Variants in SLC41A3 observed in about 807,000 individuals in gnomAD.
SLC41A3 encodes SLC41A1-like 2.
A neutral mutation model predicts 45.4 loss-of-function variants in SLC41A3; 44 were observed. The ratio of observed to expected loss-of-function variants is 0.97; its 90% CI spans 0.76 to 1.25. The LOEUF (loss-of-function observed/expected upper bound fraction) is 1.25. Among genes scored for constraint, SLC41A3 ranks in the 50% most tolerant of loss-of-function variants. The pLI, the probability that SLC41A3 is intolerant of heterozygous loss-of-function variation, is 0.00. For missense variants in SLC41A3, 550 were observed against 600.6 expected, an observed-to-expected ratio of 0.92 and a Z score of 0.88; for synonymous variants, 256 against 252.4, an observed-to-expected ratio of 1.01 and a Z score of -0.13.
chr3:126,014,724 G>T (rs748612147), intron 8 of SLC41A3, among the ~76,000 whole-genome samples: 1 of 152,250 alleles, frequency 6.6e-6, no homozygotes, highest in Non-Finnish European at 1.5e-5. Context: ...GCCTCTGAAG[G>T]CTGTTTCTTC....
At chr3:126,056,801 G>A in intron 2 of SLC41A3, 1 of 1,316,774 alleles carries the variant, frequency 7.6e-7, no homozygotes. Flanking sequence ...GCCAGGCCCT[G>A]CTGTCCCTCC....
At chr3:126,034,392 T>A (rs145462764) in intron 3 of SLC41A3, among the ~76,000 whole-genome samples, 1 of 152,284 alleles carries the variant, frequency 6.6e-6, no homozygotes, top group Admixed American at 6.5e-5. Flanking sequence ...TTTCCTAGAT[T>A]CCTTAAACTC....
chr3:126,072,994 C>T (rs1944698033), intron 1 of SLC41A3, among the ~76,000 whole-genome samples: 1 of 152,160 alleles, frequency 6.6e-6, no homozygotes, highest in Admixed American at 6.5e-5. Context: ...AGGCCATAAT[C>T]CTAAACAACC....
Position 126,007,177 on chromosome 3 carries a change from G to A in SLC41A3, c.1303C>T (p.His435Tyr), listed in dbSNP as rs376413737. 5 of 1,614,088 alleles carry A rather than the reference G, an allele frequency of 3.1e-6. No individual in the cohort carries two copies. The highest frequency in any genetic ancestry group is 1.7e-5 in the Admixed American group (1 of 60,006). ...LAEVMVRLTW[H>Y]QALDPDNHCI... ...TGGTTGTCAGGATCCAGGGCCTGGTGCCAAGTCAGCCGAACCATCACTTCT... is the reference window on the plus strand; with the variant it reads ...TGGTTGTCAGGATCCAGGGCCTGGTACCAAGTCAGCCGAACCATCACTTCT... Residue 435 changes from histidine to tyrosine, a missense_variant, in exon 11 of 11, where the codon CAC becomes TAC. By Grantham distance (83) the His-to-Tyr change is moderately conservative. Transcript: ENST00000360370.
chr3:126,081,366 GA>G (rs1481646274), intron 1 of SLC41A3, among the ~76,000 whole-genome samples: 5 of 152,198 alleles, frequency 3.3e-5, no homozygotes, highest in East Asian at 1.9e-4. Flanking sequence ...GGGACAGGGG[GA>G]AAAAGGGAGG....
At chr3:126,045,374 T>C (rs543185500) in intron 3 of SLC41A3, among the ~76,000 whole-genome samples, 11 of 145,746 alleles carry the variant, frequency 7.5e-5, no homozygotes, top group Non-Finnish European at 1.7e-4. Flanking sequence ...AAAAAATCAA[T>C]TCAAAAGCCT....
intron 3 of SLC41A3, among the ~76,000 whole-genome samples, chr3:126,046,390 T>C (rs780515271): frequency 3.3e-5 from 5 of 151,938 alleles, no homozygotes; most frequent in Non-Finnish European, 5.9e-5. Flanking sequence ...CAAATTTTTA[T>C]AATAAATGAA....
chr3:126,022,166 T>C (rs1449204740), intron 6 of SLC41A3, among the ~76,000 whole-genome samples: 2 of 152,230 alleles, frequency 1.3e-5, no homozygotes, highest in East Asian at 3.8e-4. Flanking sequence ...TCATTTGAAA[T>C]CTTTCCTTCC....
chr3:126,101,111 G>T (rs1386199398), intron 1 of SLC41A3, among the ~76,000 whole-genome samples: 1 of 152,196 alleles, frequency 6.6e-6, no homozygotes, highest in Non-Finnish European at 1.5e-5. Flanking sequence ...GGGTCCAAGT[G>T]CTGCCCACAT....
intron 2 of SLC41A3, among the ~76,000 whole-genome samples, chr3:126,055,169 C>T (rs1943576526): frequency 6.6e-6 from 1 of 152,138 alleles, no homozygotes; most frequent in African/African-American, 2.4e-5. Context: ...TGAAATGCTA[C>T]TTGGGGTGTC....
At chr3:126,022,681 G>T in intron 6 of SLC41A3, 105 bp downstream of exon 6, 1 of 1,403,124 alleles carries the variant, frequency 7.1e-7, no homozygotes, top group East Asian at 2.3e-5. Context: ...TCAAACAACA[G>T]CACATGGGCT....
Position 126,006,404 on chromosome 3 carries a change from A to AATCT in SLC41A3, c.*608_*611dup. ...TATTTTACACTTCTCTGATTATTGAAATCTAAATAGAGGTTTTTGCTAACA... is the reference window on the plus strand; with the variant it reads ...TATTTTACACTTCTCTGATTATTGAAATCTATCTAAATAGAGGTTTTTGCTAACA... On this transcript the variant is annotated 3_prime_UTR_variant, in exon 11 of 11. Coordinates refer to ENST00000360370, the MANE Select transcript of SLC41A3 (RefSeq NM_017836.4). 6.2e-7 allele frequency: 1 copy of AATCT among 1,609,300 alleles called. No homozygotes were observed. The highest frequency in any genetic ancestry group is 8.5e-7 in the Non-Finnish European group (1 of 1,178,188).
chr3:126,053,625 T>C (rs1943479440), intron 2 of SLC41A3, among the ~76,000 whole-genome samples: 1 of 152,142 alleles, frequency 6.6e-6, no homozygotes, highest in Non-Finnish European at 1.5e-5. Context: ...AGATAATCAG[T>C]GTCTTTGTTT....
intron 5 of SLC41A3, chr3:126,023,136 G>T: frequency 1.6e-6 from 1 of 618,374 alleles, no homozygotes; most frequent in Admixed American, 3.0e-5. Context: ...CTACACTGGA[G>T]GCCTGAGAAG....
intron 9 of SLC41A3, among the ~76,000 whole-genome samples, chr3:126,011,776 T>G (rs954685254): frequency 2.6e-5 from 4 of 152,250 alleles, no homozygotes; most frequent in Non-Finnish European, 5.9e-5. Context: ...TGGCACATTT[T>G]TCAAGTGTTT....
chr3:126,008,795 C>A lies in SLC41A3; in HGVS notation c.1191G>T (p.Glu397Asp). The change falls in exon 10 of 11, where the codon GAG becomes GAT. Residue 397 changes from glutamate (E) to aspartate (D), a missense_variant. Glu to Asp is a conservative substitution (Grantham distance 45). Coordinates refer to ENST00000360370, the MANE Select transcript of SLC41A3 (RefSeq NM_017836.4). ...TCTGGCTGTTTATGACTGACTGACC[C>A]TCCACCAGGTAGATGATGTAGAAGA... The part of the protein sequence containing the change: ...LIFFYIIYLV[E>D]GQSVINSQTF... 6.2e-7 allele frequency: 1 copy of A among 1,614,152 alleles called. No homozygotes were observed. The highest frequency in any genetic ancestry group is 1.1e-5 in the South Asian group (1 of 91,080).
upstream of SLC41A3, among the ~76,000 whole-genome samples, chr3:126,085,718 A>T (rs13061726): frequency 6.6e-6 from 1 of 151,796 alleles, no homozygotes; most frequent in Non-Finnish European, 1.5e-5. Flanking sequence ...TGTTGTTTTC[A>T]TAGGTAAATG....
chr3:126,057,522 C>A (rs1201676894), intron 2 of SLC41A3, among the ~76,000 whole-genome samples: 1 of 152,226 alleles, frequency 6.6e-6, no homozygotes, highest in Non-Finnish European at 1.5e-5. Context: ...CTCACACCAG[C>A]TGAACCCAGC....
At chr3:126,046,690 G>A (rs948007244) in intron 3 of SLC41A3, among the ~76,000 whole-genome samples, 3 of 152,134 alleles carry the variant, frequency 2.0e-5, no homozygotes, top group Admixed American at 6.5e-5. Flanking sequence ...GGCTGGGCAT[G>A]GTGGCTCATG....
Sources: gnomAD v4.1 joint callset for allele counts (sites outside exome capture counted in the v4.1 genomes callset) on GRCh38, gnomAD v4.1.1 for gene constraint, MANE v1.5 for transcripts, NCBI Gene and HGNC (gene_info 2026-07-23, HGNC 2026-07-21) for gene names.